The following EPB41L3 variants were observed in gnomAD, a reference collection of about 807,000 sequenced individuals.
EPB41L3 encodes erythrocyte membrane protein band 4.1 like 3, also known as band 4.1-like protein 3.
EPB41L3 carries 57 observed loss-of-function variants against 127.1 expected under a neutral mutation model. That is an observed-to-expected ratio of 0.45 (90% CI 0.36 to 0.56). EPB41L3 has a LOEUF of 0.56. Among genes scored for constraint, EPB41L3 ranks in the 20% least tolerant of loss-of-function variants. The probability of loss-of-function intolerance (pLI) is 0.00; values close to 1 mark genes in which losing one functional copy is unlikely to be tolerated. For synonymous variants in EPB41L3, 572 were observed against 549.5 expected (o/e 1.04, Z -0.57); for missense variants, 1,273 against 1,372.2 (o/e 0.93, Z 1.14).
chr18:5,535,097 T>C (rs1325039551), intron 1 of EPB41L3, among the ~76,000 whole-genome samples: 1 of 152,144 alleles, frequency 6.6e-6, no homozygotes, highest in Non-Finnish European at 1.5e-5. Context: ...TGTGAGAATG[T>C]GAACCGCACA....
At chr18:5,560,973 T>G (rs1161145972) in intron 3 of EPB41L3, among the ~76,000 whole-genome samples, 1 of 144,436 alleles carries the variant, frequency 6.9e-6, no homozygotes, top group East Asian at 2.0e-4. Flanking sequence ...ATTTATTTAT[T>G]TATTTATTTA....
At chr18:5,455,514 A>C (rs1346763208) in intron 3 of EPB41L3, among the ~76,000 whole-genome samples, 1 of 152,160 alleles carries the variant, frequency 6.6e-6, no homozygotes, top group Non-Finnish European at 1.5e-5. Flanking sequence ...CATGCAGTAG[A>C]GTTGACCTAT....
Position 5,397,230 on chromosome 18 carries a change from T to C in EPB41L3, c.2669A>G (p.Lys890Arg), listed in dbSNP as rs2073688126. The change falls in exon 18 of 23, where the codon AAA (lysine) becomes AGA (arginine). Residue 890 changes from lysine to arginine, a missense_variant. Physicochemically the swap from Lys to Arg is conservative, Grantham distance 26. Transcript: ENST00000341928. This position sits in a 1 kb window ranked among gnomAD's most constrained non-coding sequence, Gnocchi z 4.1. ...AAAQPAFTGIKGKEGSALTEG... is the reference protein window; with the variant it reads ...AAAQPAFTGIRGKEGSALTEG... The stretch of plus-strand genomic sequence containing the variant: ...CGTCAAGGCAGAGCCCTCTTTCCCT[T>C]TAATGCCTGTGAATGCGGGCTGTGC... 1 of 1,614,176 alleles carries C rather than the reference T, an allele frequency of 6.2e-7. No individual in the cohort carries two copies. The highest frequency in any genetic ancestry group is 8.5e-7 in the Non-Finnish European group (1 of 1,180,034).
chr18:5,629,691 G>T (rs1432199143), upstream of EPB41L3, among the ~76,000 whole-genome samples: 1 of 152,126 alleles, frequency 6.6e-6, no homozygotes, highest in Admixed American at 6.5e-5. Flanking sequence ...GGGCGGGGAC[G>T]GATTCGGAGG....
chr18:5,603,363 A>G (rs1289587944), intron 3 of EPB41L3, among the ~76,000 whole-genome samples: 1 of 152,180 alleles, frequency 6.6e-6, no homozygotes, highest in Admixed American at 6.5e-5. Flanking sequence ...AGAAGGCAAG[A>G]CTTGGACAAG....
chr18:5,512,812 C>G (rs556136984), intron 1 of EPB41L3, among the ~76,000 whole-genome samples: 6 of 152,272 alleles, frequency 3.9e-5, no homozygotes, highest in African/African-American at 1.4e-4. Context: ...TCATCATTAT[C>G]ATCGTCAAAA....
chr18:5,593,822 A>T (rs2094510277), intron 3 of EPB41L3, among the ~76,000 whole-genome samples: 1 of 152,166 alleles, frequency 6.6e-6, no homozygotes, highest in South Asian at 2.1e-4. Flanking sequence ...TGAGAAAAAC[A>T]ATTCAGCGAT....
At chr18:5,537,396 T>C (rs562985794) in intron 1 of EPB41L3, among the ~76,000 whole-genome samples, 14 of 152,248 alleles carry the variant, frequency 9.2e-5, no homozygotes, top group African/African-American at 3.1e-4. Flanking sequence ...CACAAAAAGA[T>C]GGAATGAATT....
chr18:5,396,432 T>A, intron 18 of EPB41L3, 100 bp from the exon 19 acceptor site: 3 of 1,387,112 alleles, frequency 2.2e-6, no homozygotes, highest in African/African-American at 1.4e-5. Context: ...CAGGTTAGTA[T>A]GCTATAAATG....
chr18:5,548,519 CCTTTTTTAT>C (rs1168698450), upstream of EPB41L3, among the ~76,000 whole-genome samples: 1 of 152,092 alleles, frequency 6.6e-6, no homozygotes, highest in Admixed American at 6.6e-5. Context: ...TCCATATTTG[CCTTTTTTAT>C]CTTTGTATTC....
At chr18:5,611,834 A>G (rs1357635775) in intron 3 of EPB41L3, among the ~76,000 whole-genome samples, 1 of 152,036 alleles carries the variant, frequency 6.6e-6, no homozygotes, top group East Asian at 1.9e-4. Context: ...TAGTAGAGAC[A>G]GGGTACTTCT....
In EPB41L3 at chr18:5,433,548, G is replaced by A. The variant is rs376210046; in HGVS notation, c.833C>T (p.Thr278Met). Residue 278 changes from threonine (T) to methionine (M), a missense_variant, in exon 8 of 23, where the codon ACG becomes ATG. Physicochemically the swap from Thr to Met is moderately conservative, Grantham distance 81. Transcript: ENST00000341928. ...IELHKSHRGMTPAEAEMHFLE... is the reference protein window; with the variant it reads ...IELHKSHRGMMPAEAEMHFLE... ...GAAATGCATCTCTGCTTCTGCTGGCGTCATTCCTCTGATGAGAAGAAAAAT... is the reference window on the plus strand; with the variant it reads ...GAAATGCATCTCTGCTTCTGCTGGCATCATTCCTCTGATGAGAAGAAAAAT... 30 of 1,611,776 alleles carry A rather than the reference G, an allele frequency of 1.9e-5. No homozygotes were observed. The highest frequency in any genetic ancestry group is 8.0e-5 in the African/African-American group (6 of 74,872).
At chr18:5,393,707 G>A (rs4441367) in intron 22 of EPB41L3, 8 of 436,538 alleles carry the variant, frequency 1.8e-5, no homozygotes, top group South Asian at 9.6e-5. Flanking sequence ...TTTTGCTATC[G>A]TCCAAAATAT....
At chr18:5,583,304 T>G (rs1171999366) in intron 3 of EPB41L3, among the ~76,000 whole-genome samples, 3 of 152,134 alleles carry the variant, frequency 2.0e-5, no homozygotes, top group African/African-American at 7.2e-5. Flanking sequence ...ATAGAGGAAG[T>G]CTGGAGAAGT....
intron 3 of EPB41L3, among the ~76,000 whole-genome samples, chr18:5,598,680 A>C (rs772365624): frequency 6.6e-6 from 1 of 152,210 alleles, no homozygotes; most frequent in Non-Finnish European, 1.5e-5. Context: ...TATCACCTGC[A>C]TTCCAGAAGG....
chr18:5,458,668 T>C (rs2083475803), intron 3 of EPB41L3, among the ~76,000 whole-genome samples: 1 of 152,008 alleles, frequency 6.6e-6, no homozygotes, highest in Non-Finnish European at 1.5e-5. Flanking sequence ...GAATAACAGT[T>C]TGGAAGCATT....
intron 3 of EPB41L3, among the ~76,000 whole-genome samples, chr18:5,564,641 C>T (rs1233646974): frequency 6.6e-6 from 1 of 152,082 alleles, no homozygotes; most frequent in African/African-American, 2.4e-5. Context: ...AAGATGAGCT[C>T]ATTTATCAAT....
intron 1 of EPB41L3, among the ~76,000 whole-genome samples, chr18:5,499,896 G>C (rs955980793): frequency 1.1e-4 from 16 of 150,216 alleles, no homozygotes; most frequent in African/African-American, 4.0e-4. Context: ...TTAATCTAGT[G>C]TGAATCTTTA....
At chr18:5,588,435 C>T (rs1630813) in intron 3 of EPB41L3, among the ~76,000 whole-genome samples, 59,186 of 151,482 alleles carry the variant, frequency 0.39, 12,262 homozygotes, top group Non-Finnish European at 0.47. Context: ...TACTTAAATA[C>T]ATATTAAACA....
Sources: allele counts gnomAD v4.1 joint callset (sites outside exome capture counted in the v4.1 genomes callset), GRCh38; gene constraint gnomAD v4.1.1; non-coding constraint Gnocchi (gnomAD v3.1); transcripts MANE v1.5; gene names NCBI Gene and HGNC (gene_info 2026-07-23, HGNC 2026-07-21).